CHCHD6: variants seen among roughly 807,000 people sequenced by gnomAD.
CHCHD6 encodes the protein MICOS complex subunit MIC25.
CHCHD6 carries 28 observed loss-of-function variants against 32.3 expected under a neutral mutation model. The observed-to-expected ratio is 0.87, with a 90% confidence interval of 0.64 to 1.19. CHCHD6 has a LOEUF of 1.19. Among genes scored for constraint, CHCHD6 ranks in the 50% most tolerant of loss-of-function variants. CHCHD6 has a pLI of 0.00. For synonymous variants in CHCHD6, 122 were observed against 117.5 expected (o/e 1.04, Z -0.25); for missense variants, 333 against 307.0 (o/e 1.08, Z -0.63).
At chr3:126,719,967 A>T (rs1189239697) in intron 1 of CHCHD6, among the ~76,000 whole-genome samples, 1 of 150,386 alleles carries the variant, frequency 6.6e-6, no homozygotes, top group African/African-American at 2.5e-5. Flanking sequence ...TGCAACCTCC[A>T]CCTCCTGGGG....
At chr3:126,782,904 T>C (rs1473724881) in intron 4 of CHCHD6, among the ~76,000 whole-genome samples, 2 of 152,170 alleles carry the variant, frequency 1.3e-5, no homozygotes, top group African/African-American at 4.8e-5. Context: ...AGGCAGATGA[T>C]TTTTGTATAT....
intron 6 of CHCHD6, among the ~76,000 whole-genome samples, chr3:126,931,113 G>T (rs946499204): frequency 6.6e-6 from 1 of 152,164 alleles, no homozygotes; most frequent in Non-Finnish European, 1.5e-5. Flanking sequence ...GGAGCAGGGC[G>T]CCAAGGGAAA....
chr3:126,804,824 C>T (rs1406991584), intron 4 of CHCHD6, among the ~76,000 whole-genome samples: 1 of 152,080 alleles, frequency 6.6e-6, no homozygotes, highest in African/African-American at 2.4e-5. Context: ...AAACCAAATC[C>T]AGCAGCACAT....
chr3:126,784,479 C>G (rs766053389), intron 4 of CHCHD6, among the ~76,000 whole-genome samples: 1 of 152,180 alleles, frequency 6.6e-6, no homozygotes, highest in African/African-American at 2.4e-5. Context: ...TGCCTTGCTG[C>G]TGCTTTCTGC....
chr3:126,752,832 A>G (rs1936783512), intron 4 of CHCHD6, among the ~76,000 whole-genome samples: 1 of 152,162 alleles, frequency 6.6e-6, no homozygotes, highest in Non-Finnish European at 1.5e-5. Flanking sequence ...AGAAAAATGT[A>G]AAGAAGGAGC....
At chr3:126,951,880 C>G (rs1445214416) in intron 6 of CHCHD6, among the ~76,000 whole-genome samples, 1 of 152,240 alleles carries the variant, frequency 6.6e-6, no homozygotes, top group Non-Finnish European at 1.5e-5. Flanking sequence ...TACAGTCTAA[C>G]TAGGCCTGAG....
In CHCHD6 at chr3:126,792,565, C is replaced by T. The variant is rs1363957997; in HGVS notation, c.411+59343C>T. Among the ~76,000 whole-genome samples the T allele has an allele frequency of 2.6e-5, 4 of 152,066 alleles. No homozygotes were observed. In the East Asian group the frequency reaches 7.7e-4, roughly 29 times the overall value. On this transcript the variant is annotated intron_variant, in intron 4 of 7. Coordinates refer to ENST00000290913, the MANE Select transcript of CHCHD6 (RefSeq NM_032343.3). Reference sequence around the variant, plus strand: ...GTTTAATTTTCCAGTTTCTGGAGAGCTCCCTGTTATTTTTCTTCTGATTTT... The same window carrying T: ...GTTTAATTTTCCAGTTTCTGGAGAGTTCCCTGTTATTTTTCTTCTGATTTT...
At chr3:126,932,671 TTGGCAC>T (rs147752595) in intron 6 of CHCHD6, among the ~76,000 whole-genome samples, 4,530 of 152,218 alleles carry the variant, frequency 0.03, 97 homozygotes, top group Non-Finnish European at 0.039. Flanking sequence ...GGCTTAAGGG[TTGGCAC>T]TGGCACTGGC....
At chr3:126,784,413 T>C (rs1021762049) in intron 4 of CHCHD6, among the ~76,000 whole-genome samples, 4 of 152,176 alleles carry the variant, frequency 2.6e-5, no homozygotes, top group African/African-American at 7.2e-5. Context: ...TTGTCAGCCA[T>C]TGTGGATGTC....
chr3:126,739,787 G>A (rs1467980236), intron 4 of CHCHD6, among the ~76,000 whole-genome samples: 1 of 152,060 alleles, frequency 6.6e-6, no homozygotes, highest in Non-Finnish European at 1.5e-5. Flanking sequence ...TTGCCCACCT[G>A]CAGATCCTCT....
chr3:126,896,677 C>G (rs958977961), intron 5 of CHCHD6, among the ~76,000 whole-genome samples: 18 of 152,226 alleles, frequency 1.2e-4, no homozygotes, highest in African/African-American at 4.1e-4. Context: ...ATCTGCTGCC[C>G]TGTGATCAGA....
intron 4 of CHCHD6, among the ~76,000 whole-genome samples, chr3:126,804,506 A>G (rs567309720): frequency 6.6e-6 from 1 of 152,236 alleles, no homozygotes; most frequent in South Asian, 2.1e-4. Context: ...TCCCAAGACT[A>G]AACCAGGAAG....
At chr3:126,932,103 T>C (rs1243746761) in intron 6 of CHCHD6, among the ~76,000 whole-genome samples, 1 of 152,184 alleles carries the variant, frequency 6.6e-6, no homozygotes, top group Admixed American at 6.5e-5. Flanking sequence ...GAGGCTCCAG[T>C]GAGATGTGCA....
intron 6 of CHCHD6, among the ~76,000 whole-genome samples, chr3:126,932,793 G>A (rs966751912): frequency 3.3e-5 from 5 of 152,220 alleles, no homozygotes; most frequent in Admixed American, 2.0e-4. Context: ...CTCAGTGCAC[G>A]GGCGCAAGAA....
At chr3:126,816,280 C>T (rs1021373263) in intron 4 of CHCHD6, among the ~76,000 whole-genome samples, 3 of 152,160 alleles carry the variant, frequency 2.0e-5, no homozygotes, top group Admixed American at 2.0e-4. Flanking sequence ...GAGCCAGGCA[C>T]ATGGGCTTGG....
intron 4 of CHCHD6, among the ~76,000 whole-genome samples, chr3:126,748,027 G>A (rs1005813532): frequency 2.7e-4 from 41 of 151,908 alleles, no homozygotes; most frequent in African/African-American, 9.2e-4. Flanking sequence ...TGGCCTCACC[G>A]CCCTCTCCTC....
rs766665268 is a variant in CHCHD6 at position 126,727,189 on chromosome 3, A to G, written c.196+3A>G. 1.8e-5 allele frequency: 28 copies of G among 1,583,614 alleles called. No individual in the cohort carries two copies. Among genetic ancestry groups the G allele is most frequent in the Non-Finnish European group, 2.4e-5 (28 of 1,152,364 alleles). ...CAACTTGAGAGCCCCTCACAAAGGT[A>G]TGGGGATTGTGACAGTTCTGTGGAG... is the stretch of plus-strand genomic sequence containing the variant. On this transcript the variant is annotated splice_donor_region_variant and intron_variant, in intron 2 of 7. Coordinates refer to ENST00000290913, the MANE Select transcript of CHCHD6 (RefSeq NM_032343.3).
At chr3:126,955,257 C>T (rs552357111) in intron 6 of CHCHD6, among the ~76,000 whole-genome samples, 1 of 152,398 alleles carries the variant, frequency 6.6e-6, no homozygotes, top group South Asian at 2.1e-4. Flanking sequence ...TATTCTTGCC[C>T]CAGCCGCCTG....
intron 1 of CHCHD6, among the ~76,000 whole-genome samples, chr3:126,719,974 G>A (rs1260498013): frequency 1.3e-5 from 2 of 152,062 alleles, no homozygotes; most frequent in Non-Finnish European, 2.9e-5. Flanking sequence ...TCCACCTCCT[G>A]GGGTCAAATG....
Sources: allele counts gnomAD v4.1 joint callset (sites outside exome capture counted in the v4.1 genomes callset), GRCh38; gene constraint gnomAD v4.1.1; transcripts MANE v1.5; gene names NCBI Gene and HGNC (gene_info 2026-07-23, HGNC 2026-07-21).